MAST4: variants seen among roughly 807,000 people sequenced by gnomAD.
The protein encoded by MAST4 is microtubule-associated serine/threonine-protein kinase 4.
In MAST4, 89 loss-of-function variants were observed where a neutral mutation model predicts 162.7. The observed-to-expected ratio is 0.55, with a 90% CI of 0.46 to 0.65. The LOEUF is 0.65. Among genes scored for constraint, MAST4 ranks in the 30% least tolerant of loss-of-function variants. The pLI, the probability that MAST4 is intolerant of heterozygous loss-of-function variation, is 0.00. For missense variants in MAST4, 3,153 were observed against 3,374.0 expected (o/e 0.93, Z 1.62); for synonymous variants, 1,479 against 1,361.1 (o/e 1.09, Z -1.91).
chr5:67,145,531 G>C (rs911882041), intron 23 of MAST4, among the ~76,000 whole-genome samples, 152 bp downstream of exon 23: 1 of 152,170 alleles, frequency 6.6e-6, no homozygotes, highest in African/African-American at 2.4e-5. Context: ...CTTGGGACAC[G>C]ATCTTCTGAG....
chr5:66,706,589 A>G (rs1397427598), intron 1 of MAST4, among the ~76,000 whole-genome samples: 2 of 141,632 alleles, frequency 1.4e-5, no homozygotes, highest in East Asian at 4.2e-4. Context: ...TGTTCTGAGT[A>G]ATGATGAAAG....
intron 4 of MAST4, among the ~76,000 whole-genome samples, chr5:67,014,232 C>G (rs751044049): frequency 9.9e-5 from 15 of 152,164 alleles, no homozygotes; most frequent in Non-Finnish European, 1.6e-4. Flanking sequence ...TGCTCAACCA[C>G]TGCAAAGGGC....
intron 19 of MAST4, among the ~76,000 whole-genome samples, chr5:67,138,577 G>A (rs1350776931): frequency 6.6e-6 from 1 of 152,144 alleles, no homozygotes; most frequent in African/African-American, 2.4e-5. Flanking sequence ...GGGGCCACAA[G>A]AGCATGCCAC....
chr5:66,651,316 T>C (rs1055328076), intron 1 of MAST4, among the ~76,000 whole-genome samples: 30 of 152,168 alleles, frequency 2.0e-4, no homozygotes, highest in African/African-American at 6.8e-4. Context: ...ATGCAGATTT[T>C]CATTTCCTAG....
intron 4 of MAST4, among the ~76,000 whole-genome samples, chr5:66,938,131 A>T (rs1259881280): frequency 6.6e-6 from 1 of 152,022 alleles, no homozygotes; most frequent in African/African-American, 2.4e-5. Flanking sequence ...CACCTTTTTC[A>T]ATACTTTTAC....
chr5:66,624,027 C>G (rs1744247323), intron 1 of MAST4, among the ~76,000 whole-genome samples: 1 of 150,854 alleles, frequency 6.6e-6, no homozygotes, highest in South Asian at 2.1e-4. Flanking sequence ...AGATAAAATA[C>G]TTAGGAATTA....
At chr5:67,025,013 G>GT (rs1754468116) in intron 4 of MAST4, among the ~76,000 whole-genome samples, 1 of 151,986 alleles carries the variant, frequency 6.6e-6, no homozygotes, top group African/African-American at 2.4e-5. Context: ...TCACGTTTCT[G>GT]CCACTAACTA....
At position 66,754,524 on chromosome 5, in the gene MAST4, C is replaced by G. The variant is rs1237767591; in HGVS notation, c.364-5185C>G. On this transcript the variant is annotated intron_variant, in intron 1 of 28. Coordinates refer to ENST00000403625, the MANE Select transcript of MAST4 (RefSeq NM_001164664.2). ...TTCTATTTTTTCAATAATTAAAGCC[C>G]TTTATGGCATGTGTTTTCTATTTTT... 2.0e-5 allele frequency among the ~76,000 whole-genome samples: 3 copies of G among 152,080 alleles called. No homozygotes were observed. The South Asian group carries it at 6.2e-4, about 32-fold the overall frequency.
intron 14 of MAST4, among the ~76,000 whole-genome samples, 176 bp downstream of exon 14, chr5:67,121,278 A>T (rs1000880289): frequency 2.0e-5 from 3 of 152,164 alleles, no homozygotes; most frequent in African/African-American, 7.2e-5. Context: ...TGGACACCTC[A>T]TCAGAAAACA....
intron 4 of MAST4, among the ~76,000 whole-genome samples, chr5:67,008,282 A>G (rs1752279334): frequency 6.6e-6 from 1 of 152,212 alleles, no homozygotes; most frequent in South Asian, 2.1e-4. Context: ...TCAGTTTCAT[A>G]GGTCTGTGGC....
intron 2 of MAST4, among the ~76,000 whole-genome samples, chr5:66,773,933 A>C (rs76407876): frequency 0.041 from 6,253 of 152,328 alleles, 416 homozygotes; most frequent in African/African-American, 0.14. Context: ...AGGATTTTGC[A>C]TAAGGTTGTG....
intron 4 of MAST4, among the ~76,000 whole-genome samples, chr5:66,934,578 A>AT (rs66915752): frequency 1.8e-3 from 273 of 149,786 alleles, no homozygotes; most frequent in Admixed American, 3.1e-3. Context: ...ATATCCCTGA[A>AT]TTTTTTTTTT....
Position 66,700,591 on chromosome 5 carries a change from C to T in MAST4, c.364-59118C>T, listed in dbSNP as rs143095055. Among the ~76,000 whole-genome samples, 781 of 151,564 alleles carry T rather than the reference C, an allele frequency of 5.2e-3. 3 individuals are homozygous for T. The highest frequency in any genetic ancestry group is 0.02 in the Middle Eastern group (6 of 294). On this transcript the variant is annotated intron_variant, in intron 1 of 28. Transcript: ENST00000403625. ...CCCAGCTAACTGGGAGGCTGAGGCA[C>T]GAGAATTGCTTGAACCCAGGAGGCA...
At chr5:66,714,531 T>C (rs4446417) in intron 1 of MAST4, among the ~76,000 whole-genome samples, 115,693 of 152,100 alleles carry the variant, frequency 0.76, 45,199 homozygotes, top group African/African-American at 0.93. Flanking sequence ...GAGTCATTGT[T>C]TTCCCTTCTT....
intron 21 of MAST4, among the ~76,000 whole-genome samples, chr5:67,144,452 A>G (rs1450213382): frequency 1.2e-5 from 1 of 84,690 alleles, no homozygotes; most frequent in Non-Finnish European, 2.6e-5. Flanking sequence ...CTATTCGTAT[A>G]TATGTACACA....
intron 3 of MAST4, among the ~76,000 whole-genome samples, chr5:66,822,699 T>C (rs1475082203): frequency 2.6e-5 from 4 of 152,178 alleles, no homozygotes; most frequent in Non-Finnish European, 5.9e-5. Context: ...GCTCAGAGAA[T>C]TGGGGATTCA....
At chr5:67,131,996 A>C in intron 16 of MAST4, 45 bp downstream of exon 16, 2 of 1,578,000 alleles carry the variant, frequency 1.3e-6, no homozygotes, top group Non-Finnish European at 1.7e-6. Flanking sequence ...CCCAATACAA[A>C]GTTCTCGTAT....
chr5:67,144,257 C>T (rs1336737258), intron 21 of MAST4, among the ~76,000 whole-genome samples: 1 of 152,128 alleles, frequency 6.6e-6, no homozygotes, highest in Non-Finnish European at 1.5e-5. Flanking sequence ...TCTTCCCACC[C>T]CTGACTGGTG....
chr5:67,135,083 G>C (rs1581681894), intron 18 of MAST4, among the ~76,000 whole-genome samples: 1 of 152,108 alleles, frequency 6.6e-6, no homozygotes, highest in South Asian at 2.1e-4. Flanking sequence ...TAGGGAAAAT[G>C]GCTAATGGCA....
Sources: gnomAD v4.1 joint callset for allele counts (sites outside exome capture counted in the v4.1 genomes callset) on GRCh38, gnomAD v4.1.1 for gene constraint, MANE v1.5 for transcripts, NCBI Gene and HGNC (gene_info 2026-07-23, HGNC 2026-07-21) for gene names.